The following DTD1 variants were observed in gnomAD, a reference collection of about 807,000 sequenced individuals.
DTD1 encodes D-tyrosyl-tRNA deacylase 1 homolog.
DTD1 carries 13 observed loss-of-function variants against 25.6 expected under a neutral mutation model. That is an observed-to-expected ratio of 0.51 (90% confidence interval 0.33 to 0.81). DTD1 has a LOEUF of 0.81. DTD1 is among the 30% of genes least tolerant of loss of function. DTD1 has a pLI of 0.02. For missense variants in DTD1, 193 were observed against 266.4 expected, an observed-to-expected ratio of 0.72 and a Z score of 1.92; for synonymous variants, 110 against 103.6, an observed-to-expected ratio of 1.06 and a Z score of -0.37.
At chr20:18,676,848 T>C (rs2060977529) in intron 4 of DTD1, among the ~76,000 whole-genome samples, 2 of 152,162 alleles carry the variant, frequency 1.3e-5, no homozygotes, top group Admixed American at 6.5e-5. Flanking sequence ...GTGCATGCGC[T>C]GGAGTAATTC....
chr20:18,758,552 G>A (rs2122540090), intron 5 of DTD1, among the ~76,000 whole-genome samples: 1 of 152,322 alleles, frequency 6.6e-6, no homozygotes, highest in African/African-American at 2.4e-5. Context: ...TCAGGAGCAG[G>A]TTGTTCAGTT....
At chr20:18,683,183 A>G (rs6081294) in intron 4 of DTD1, among the ~76,000 whole-genome samples, 126,183 of 152,054 alleles carry the variant, frequency 0.83, 53,470 homozygotes, top group Non-Finnish European at 0.93. Context: ...CACTGCGCAT[A>G]TGACAGTAGG....
Position 18,749,577 on chromosome 20 carries a change from G to A in DTD1, c.*19+5306G>A, listed in dbSNP as rs2061314175. ...TGGCCTCCTGGATGAGACTTGCAGG[G>A]GTCTGTCATTAATGACACCTGAGAC... On this transcript the variant is annotated intron_variant, in intron 5 of 5. Coordinates refer to ENST00000377452, the MANE Select transcript of DTD1 (RefSeq NM_080820.6). The surrounding 1 kb of genome is among the most constrained non-coding windows in gnomAD (Gnocchi z 4.2). Among the ~76,000 whole-genome samples the A allele has an allele frequency of 6.6e-6, 1 of 152,118 alleles. No individual in the cohort carries two copies. Among genetic ancestry groups the A allele is most frequent in the Non-Finnish European group, 1.5e-5 (1 of 68,010 alleles).
rs1304166866 is a variant in DTD1, at chr20:18,742,905, A to G, written c.478-1195A>G. On this transcript the variant is annotated intron_variant, in intron 4 of 5. Coordinates refer to ENST00000377452, the MANE Select transcript of DTD1 (RefSeq NM_080820.6). ...CCAGCAGGGAGAAGCCAGCCCTTCA[A>G]TAAGTTTCCTTCTTTTTATGTAAAC... Among the ~76,000 whole-genome samples, 4 of 152,218 alleles carry G rather than the reference A, an allele frequency of 2.6e-5. No individual in the cohort carries two copies. In the South Asian group the frequency reaches 6.2e-4, roughly 24 times the overall value.
intron 4 of DTD1, among the ~76,000 whole-genome samples, chr20:18,660,320 A>G (rs571756129): frequency 1.2e-3 from 176 of 152,294 alleles, no homozygotes; most frequent in Middle Eastern, 3.4e-3. Flanking sequence ...CCCAGACTCA[A>G]GCAATCCTCC....
chr20:18,629,832 A>G (rs1285694892), intron 4 of DTD1, among the ~76,000 whole-genome samples: 1 of 152,008 alleles, frequency 6.6e-6, no homozygotes, highest in Middle Eastern at 3.2e-3. Context: ...ACATGGCCAG[A>G]GCAGAAATAA....
intron 4 of DTD1, among the ~76,000 whole-genome samples, chr20:18,639,877 C>A (rs1568655334): frequency 6.6e-6 from 1 of 152,028 alleles, no homozygotes; most frequent in South Asian, 2.1e-4. Flanking sequence ...CATAATATCC[C>A]CCGGGCAGTG....
chr20:18,684,268 A>T (rs750227561), intron 4 of DTD1, among the ~76,000 whole-genome samples: 3 of 149,072 alleles, frequency 2.0e-5, no homozygotes, highest in Admixed American at 6.7e-5. Flanking sequence ...GTTCATGCTC[A>T]CCTCCAGCAG....
intron 4 of DTD1, among the ~76,000 whole-genome samples, chr20:18,695,037 A>G (rs1481012650): frequency 6.6e-6 from 1 of 152,200 alleles, no homozygotes; most frequent in Non-Finnish European, 1.5e-5. Context: ...GAAAAACATC[A>G]GGACACAGAT....
At position 18,595,090 on chromosome 20, in the gene DTD1, A is replaced by G. The variant is rs4814767; in HGVS notation, c.135-916A>G. Reference sequence around the variant, plus strand: ...CTGTGCTTCTCAAATCTGACCCTATAGATGTCACCTGGTCAACTTTCTTGC... The same window carrying G: ...CTGTGCTTCTCAAATCTGACCCTATGGATGTCACCTGGTCAACTTTCTTGC... On this transcript the variant is annotated intron_variant, in intron 2 of 5. Transcript: ENST00000377452. 2.4e-3 allele frequency among the ~76,000 whole-genome samples: 369 copies of G among 152,348 alleles called. 6 individuals are homozygous for G. Among genetic ancestry groups the G allele is most frequent in the Admixed American group, 0.02 (302 of 15,302 alleles).
At chr20:18,734,134 C>T (rs1297713992) in intron 4 of DTD1, among the ~76,000 whole-genome samples, 1 of 152,168 alleles carries the variant, frequency 6.6e-6, no homozygotes, top group Non-Finnish European at 1.5e-5. Context: ...CTCTATAGAT[C>T]TTGTAAAATG....
intron 3 of DTD1, among the ~76,000 whole-genome samples, chr20:18,619,682 C>T (rs995867030): frequency 6.6e-6 from 1 of 152,188 alleles, no homozygotes; most frequent in Non-Finnish European, 1.5e-5. Flanking sequence ...GCCTCGGCCT[C>T]CCAAAGTGCT....
intron 4 of DTD1, among the ~76,000 whole-genome samples, chr20:18,650,485 G>A (rs2060870209): frequency 6.6e-6 from 1 of 152,058 alleles, no homozygotes; most frequent in Non-Finnish European, 1.5e-5. Flanking sequence ...TGGCCTGCAC[G>A]CTGAGCACCC....
chr20:18,729,210 C>T (rs2061232378), intron 4 of DTD1, among the ~76,000 whole-genome samples: 1 of 152,166 alleles, frequency 6.6e-6, no homozygotes, highest in South Asian at 2.1e-4. Flanking sequence ...TCCATGTTGC[C>T]CAGGCTGGTC....
At chr20:18,588,470 A>G (rs1223010172) in intron 1 of DTD1, among the ~76,000 whole-genome samples, 7 of 152,154 alleles carry the variant, frequency 4.6e-5, no homozygotes, top group African/African-American at 1.7e-4. Flanking sequence ...GTGTTGATGA[A>G]CCACGCTTAG....
intron 4 of DTD1, among the ~76,000 whole-genome samples, chr20:18,706,908 G>A (rs755015209): frequency 6.6e-4 from 101 of 152,272 alleles, no homozygotes; most frequent in Non-Finnish European, 1.3e-3. Context: ...TGAATGTTTC[G>A]GAATTTAGCA....
At chr20:18,682,704 C>T (rs1369595746) in intron 4 of DTD1, among the ~76,000 whole-genome samples, 1 of 152,194 alleles carries the variant, frequency 6.6e-6, no homozygotes, top group Admixed American at 6.5e-5. Flanking sequence ...GCTCCCTTGT[C>T]TATTTATTTT....
intron 4 of DTD1, among the ~76,000 whole-genome samples, chr20:18,676,889 C>T (rs1049528707): frequency 6.6e-6 from 1 of 152,084 alleles, no homozygotes; most frequent in Non-Finnish European, 1.5e-5. Context: ...CCATATCAAG[C>T]CCCCCAAAAG....
At chr20:18,746,158 C>T (rs1003274727) in intron 5 of DTD1, among the ~76,000 whole-genome samples, 1 of 152,058 alleles carries the variant, frequency 6.6e-6, no homozygotes, top group Non-Finnish European at 1.5e-5. Context: ...AATGGTGATG[C>T]CAGTCGTCTG....
Sources: gnomAD v4.1 joint callset for allele counts (sites outside exome capture counted in the v4.1 genomes callset) on GRCh38, gnomAD v4.1.1 for gene constraint, Gnocchi (gnomAD v3.1) non-coding constraint, MANE v1.5 for transcripts, NCBI Gene and HGNC (gene_info 2026-07-23, HGNC 2026-07-21) for gene names.